The following SSU72 variants were observed in gnomAD, a reference collection of about 807,000 sequenced individuals.
The protein encoded by SSU72 is SSU72 homolog, RNA polymerase II CTD phosphatase.
A neutral mutation model predicts 22.7 loss-of-function variants in SSU72; 12 were observed. The ratio of observed to expected loss-of-function variants is 0.53; its 90% CI spans 0.34 to 0.86. The LOEUF (loss-of-function observed/expected upper bound fraction) is 0.86, where lower values mean the gene tolerates loss of function less well. Ranked by LOEUF, SSU72 falls within the 40% of genes least tolerant of loss-of-function variation. The probability of loss-of-function intolerance (pLI) is 0.02; values close to 1 mark genes in which losing one functional copy is unlikely to be tolerated. For synonymous variants in SSU72, 116 were observed against 98.3 expected (o/e 1.18, Z -1.06); for missense variants, 151 against 249.8 (o/e 0.60, Z 2.67).
intron 1 of SSU72, 112 bp from the exon 2 acceptor site, chr1:1,565,028 T>TGGTCATGCACCGCCTAAGACTC: frequency 7.2e-7 from 1 of 1,384,932 alleles, no homozygotes. Context: ...TGGCTCATAG[T>TGGTCATGCACCGCCTAAGACTC]AGAGAATATG....
intron 2 of SSU72, among the ~76,000 whole-genome samples, chr1:1,547,534 G>A (rs981776594): frequency 1.3e-5 from 2 of 152,248 alleles, no homozygotes; most frequent in African/African-American, 2.4e-5. Flanking sequence ...CCCCACCAGA[G>A]GCTGTGAGGA....
Position 1,574,596 on chromosome 1 carries a change from T to G in SSU72, c.-39A>C. Reference sequence around the variant, plus strand: ...AATCCCGCGGCTCTCCCGCTTGGGTTCCCACCCTACCGCGGCGCTTCCGCG... The same window carrying G: ...AATCCCGCGGCTCTCCCGCTTGGGTGCCCACCCTACCGCGGCGCTTCCGCG... On this transcript the variant is annotated 5_prime_UTR_variant, in exon 1 of 5. Coordinates refer to ENST00000291386, the MANE Select transcript of SSU72 (RefSeq NM_014188.3). 6.4e-7 allele frequency: 1 copy of G among 1,557,988 alleles called. No homozygotes were observed. The highest frequency in any genetic ancestry group is 1.9e-5 in the Admixed American group (1 of 53,502).
rs1642358421 is a variant in SSU72, at chr1:1,543,952, C to T, written c.400G>A (p.Val134Met). The T allele has an allele frequency of 3.1e-6, 5 of 1,613,882 alleles. No homozygotes were observed. The highest frequency in any genetic ancestry group is 1.7e-5 in the Admixed American group (1 of 60,004). Residue 134 changes from valine to methionine, a missense_variant, in exon 4 of 5, where the codon GTG becomes ATG. By Grantham distance (21) the Val-to-Met change is conservative. Coordinates refer to ENST00000291386, the MANE Select transcript of SSU72 (RefSeq NM_014188.3). ...TGGATGTCCACATTGACCACGTGCA[C>T]AGGCTGGCAGGTCTCCTGTTCTCTG... ...NSREQETCQPVHVVNVDIQDN... is the reference protein window; with the variant it reads ...NSREQETCQPMHVVNVDIQDN...
chr1:1,559,282 G>A (rs1294307344), intron 2 of SSU72, among the ~76,000 whole-genome samples: 1 of 152,232 alleles, frequency 6.6e-6, no homozygotes, highest in African/African-American at 2.4e-5. Flanking sequence ...GGGCGGACCT[G>A]TAGCACGGGA....
intron 2 of SSU72, 131 bp downstream of exon 2, chr1:1,564,642 A>C: frequency 6.2e-7 from 1 of 1,613,956 alleles, no homozygotes. Flanking sequence ...ATAGAAACCA[A>C]GCTCTCGCAA....
At chr1:1,545,254 G>A (rs1294930845) in intron 2 of SSU72, 5 of 475,720 alleles carry the variant, frequency 1.1e-5, no homozygotes, top group Non-Finnish European at 1.9e-5. Context: ...AAAGACCCAA[G>A]GCCCGCAGGA....
intron 1 of SSU72, among the ~76,000 whole-genome samples, chr1:1,574,009 G>A (rs1214798118): frequency 2.1e-5 from 3 of 140,432 alleles, no homozygotes; most frequent in Non-Finnish European, 4.5e-5. Context: ...GGGAGGAAGA[G>A]AGGATCTTTC....
Position 1,542,640 on chromosome 1 carries a change from T to C in SSU72, c.484-473A>G, listed in dbSNP as rs771142042. On this transcript the variant is annotated intron_variant, in intron 4 of 4. Transcript: ENST00000291386. The surrounding 1 kb of genome is among the most constrained non-coding windows in gnomAD (Gnocchi z 4.4). The stretch of plus-strand genomic sequence containing the variant: ...GCCCGGCTCCTAGGCACACCTGCCC[T>C]GGCACCGGCAGCTCGTTACTCGCCA... Among the ~76,000 whole-genome samples the C allele has an allele frequency of 1.4e-4, 22 of 152,098 alleles. No individual in the cohort carries two copies. The highest frequency in any genetic ancestry group is 2.5e-4 in the Non-Finnish European group (17 of 68,014).
chr1:1,547,198 C>T (rs544048977), intron 2 of SSU72, among the ~76,000 whole-genome samples: 65 of 152,242 alleles, frequency 4.3e-4, no homozygotes, highest in Non-Finnish European at 8.7e-4. Context: ...CTGCACATCC[C>T]TGAGCAAGAC....
At chr1:1,558,153 A>T (rs1169041266) in intron 2 of SSU72, among the ~76,000 whole-genome samples, 1 of 148,370 alleles carries the variant, frequency 6.7e-6, no homozygotes, top group Admixed American at 6.8e-5. Context: ...GTGAGCCAAG[A>T]TCGTGCCATT....
intron 2 of SSU72, among the ~76,000 whole-genome samples, chr1:1,546,867 A>C (rs1484478372): frequency 1.9e-4 from 23 of 120,080 alleles, no homozygotes; most frequent in African/African-American, 6.1e-4. Context: ...CAACAAAAAA[A>C]AAAAAAAAAA....
At chr1:1,547,970 G>C (rs78752089) in intron 2 of SSU72, among the ~76,000 whole-genome samples, 6 of 152,226 alleles carry the variant, frequency 3.9e-5, no homozygotes, top group Non-Finnish European at 8.8e-5. Flanking sequence ...GACTCAGCCC[G>C]GGCAAGAAGG....
chr1:1,560,858 A>C (rs971123130), intron 2 of SSU72: 2 of 152,238 alleles, frequency 1.3e-5, no homozygotes. Context: ...TTTCAATACT[A>C]ATAGGACAAC....
At chr1:1,574,390 G>T in intron 1 of SSU72, 88 bp downstream of exon 1, 1 of 1,410,502 alleles carries the variant, frequency 7.1e-7, no homozygotes, top group Non-Finnish European at 9.7e-7. Flanking sequence ...TCCTCTCAGG[G>T]GTCCTGGCGC....
chr1:1,573,018 G>C (rs1642752210), intron 1 of SSU72, among the ~76,000 whole-genome samples: 1 of 152,110 alleles, frequency 6.6e-6, no homozygotes, highest in Admixed American at 6.6e-5. Flanking sequence ...GCCGGATGCG[G>C]TGGCTGACGC....
intron 2 of SSU72, chr1:1,545,284 G>T (rs1429077785): frequency 4.7e-6 from 2 of 422,350 alleles, no homozygotes; most frequent in Non-Finnish European, 4.3e-6. Context: ...CCCCCGCCCA[G>T]CATGACACCT....
Position 1,542,131 on chromosome 1 carries a change from C to A in SSU72, c.520G>T (p.Glu174Ter). Residue 174 changes from glutamate (E) to a stop codon, truncating the protein, a stop_gained, in exon 5 of 5, where the codon GAG becomes TAG. Coordinates refer to ENST00000291386, the MANE Select transcript of SSU72 (RefSeq NM_014188.3). LOFTEE classifies it high-confidence loss of function. This position sits in a 1 kb window ranked among gnomAD's most constrained non-coding sequence, Gnocchi z 4.4. ...HTEDMENEID[E>*]LLQEFEEKSG... ...TTCTCCTCGAACTCCTGCAGCAGCT[C>A]GTCGATCTCGTTCTCCATGTCTTCC... 1 of 1,593,542 alleles carries A rather than the reference C, an allele frequency of 6.3e-7. No individual in the cohort carries two copies. Among genetic ancestry groups the A allele is most frequent in the Non-Finnish European group, 8.5e-7 (1 of 1,170,248 alleles).
rs1642336767 is a variant in SSU72, at chr1:1,542,598, T to C, written c.484-431A>G. Among the ~76,000 whole-genome samples the C allele has an allele frequency of 6.6e-6, 1 of 152,070 alleles. No homozygotes were observed. Among genetic ancestry groups the C allele is most frequent in the African/African-American group, 2.4e-5 (1 of 41,418 alleles). ...ACCAGAGCCCCTGGCAGAGGGCCGC[T>C]GCCCCAGAGTGAGCAGGCCCGGCTC... On this transcript the variant is annotated intron_variant, in intron 4 of 4. Transcript: ENST00000291386. This position sits in a 1 kb window ranked among gnomAD's most constrained non-coding sequence, Gnocchi z 4.4.
At position 1,542,909 on chromosome 1, in the gene SSU72, G is replaced by T. The variant is rs1008153435; in HGVS notation, c.484-742C>A. Among the ~76,000 whole-genome samples the T allele has an allele frequency of 1.3e-5, 2 of 152,222 alleles. No homozygotes were observed. The highest frequency in any genetic ancestry group is 1.3e-4 in the Admixed American group (2 of 15,292). ...CCAGAAGCCATGCTGGGTGGGCCAG[G>T]CGGAGCGCAGGAGCCTCTGCGGCCA... On this transcript the variant is annotated intron_variant, in intron 4 of 4. Coordinates refer to ENST00000291386, the MANE Select transcript of SSU72 (RefSeq NM_014188.3). The surrounding 1 kb of genome is among the most constrained non-coding windows in gnomAD (Gnocchi z 4.4).
Sources: allele counts gnomAD v4.1 joint callset (sites outside exome capture counted in the v4.1 genomes callset), GRCh38; gene constraint gnomAD v4.1.1; non-coding constraint Gnocchi (gnomAD v3.1); transcripts MANE v1.5; gene names NCBI Gene and HGNC (gene_info 2026-07-23, HGNC 2026-07-21).